The following OTOG variants were observed in gnomAD, a reference collection of about 807,000 sequenced individuals.
The protein encoded by OTOG is otogelin.
Under a neutral mutation model 313.8 loss-of-function variants are expected in OTOG, and 296 were observed. The observed-to-expected ratio is 0.94, with a 90% CI of 0.86 to 1.04. The LOEUF (loss-of-function observed/expected upper bound fraction) is 1.04. Among genes scored for constraint, OTOG ranks in the 50% least tolerant of loss-of-function variants. OTOG has a pLI of 0.00. For synonymous variants in OTOG, 1,533 were observed against 1,554.9 expected (o/e 0.99, Z 0.33); for missense variants, 3,948 against 3,840.1 (o/e 1.03, Z -0.74).
chr11:17,594,232 G>T (rs930446951), intron 28 of OTOG, 66 bp downstream of exon 28: 8 of 1,541,578 alleles, frequency 5.2e-6, no homozygotes, highest in Non-Finnish European at 7.0e-6. Flanking sequence ...CACTGAACCC[G>T]GCCCAAGGTC....
rs1032708611 is a variant in OTOG at position 17,593,156 on chromosome 11, T to A, written c.3007-37T>A. 12 of 1,533,136 alleles carry A rather than the reference T, an allele frequency of 7.8e-6. No homozygotes were observed. In the Middle Eastern group the frequency reaches 8.4e-4, roughly 108 times the overall value. The allele number at this position is 1,533,136 out of a possible 1,614,324, so 95.0% of individuals were successfully genotyped here. ...GTACCTCTTGGCAGGATCTCCTTTC[T>A]CCCTTGTTTTATTGGACTCACTTAT... On this transcript the variant is annotated intron_variant, in intron 25 of 55. Coordinates refer to ENST00000399397, the MANE Select transcript of OTOG (RefSeq NM_001292063.2).
chr11:17,609,286 A>C, intron 35 of OTOG, 77 bp downstream of exon 35: 1 of 1,333,762 alleles, frequency 7.5e-7, no homozygotes, highest in Non-Finnish European at 1.0e-6. Flanking sequence ...GTCATGCCTC[A>C]AAGCTCCCAG....
rs1282843308 is a variant in OTOG, at chr11:17,557,133, T to A, written c.675T>A (p.His225Gln). 1.3e-6 allele frequency: 2 copies of A among 1,550,080 alleles called. No homozygotes were observed. The highest frequency in any genetic ancestry group is 2.7e-5 in the African/African-American group (2 of 72,980). Residue 225 changes from histidine (H) to glutamine (Q), a missense_variant, in exon 8 of 56, where the codon CAT becomes CAA. By Grantham distance (24) the His-to-Gln change is conservative. Transcript: ENST00000399397. ...TGCCCTGCAGGGTCCAACTGCCACA[T>A]GTCATGGGGAGCGCGCGTCTGCAGC... ...THGGMRVQLP[H>Q]VMGSARLQQL...
At chr11:17,557,971 C>A (rs1359004769) in intron 8 of OTOG, among the ~76,000 whole-genome samples, 1 of 152,166 alleles carries the variant, frequency 6.6e-6, no homozygotes, top group Non-Finnish European at 1.5e-5. Context: ...GGAGCTACTA[C>A]AGGTTCCTGA....
rs185983545 is a variant in OTOG at position 17,591,779 on chromosome 11, C to T, written c.3006+191C>T. Among the ~76,000 whole-genome samples, 115 of 152,300 alleles carry T rather than the reference C, an allele frequency of 7.6e-4. 2 individuals are homozygous for T. The highest frequency in any genetic ancestry group is 6.8e-4 in the Non-Finnish European group (46 of 68,020). On this transcript the variant is annotated intron_variant, in intron 25 of 55. Coordinates refer to ENST00000399397, the MANE Select transcript of OTOG (RefSeq NM_001292063.2). ...GATGGAGCTCACCAGTCCTGAGATA[C>T]CACACTGCCTGTCTGCTCACCATTA...
chr11:17,571,057 G>A (rs1852393321), intron 17 of OTOG, among the ~76,000 whole-genome samples: 2 of 152,186 alleles, frequency 1.3e-5, no homozygotes, highest in African/African-American at 4.8e-5. Context: ...GCCAGTCCTT[G>A]GAGTTCCACA....
chr11:17,555,933 C>T (rs1852049920), intron 7 of OTOG, 36 bp downstream of exon 7: 1 of 1,465,772 alleles, frequency 6.8e-7, no homozygotes, highest in Middle Eastern at 1.7e-4. Context: ...GCTGTCCTAT[C>T]CCTGACACTG....
rs4757556 is a variant in OTOG, at chr11:17,638,164, C to T, written c.7796-287C>T. ...ACCTTACCCTAATGGCTGGCTCTCCCTGGACCACCTCTTGCAGGGTGACTG... is the reference window on the plus strand; with the variant it reads ...ACCTTACCCTAATGGCTGGCTCTCCTTGGACCACCTCTTGCAGGGTGACTG... On this transcript the variant is annotated intron_variant, in intron 47 of 55. Coordinates refer to ENST00000399397, the MANE Select transcript of OTOG (RefSeq NM_001292063.2). Among the ~76,000 whole-genome samples the T allele has an allele frequency of 0.3, 45,034 of 152,162 alleles. 8,699 individuals carry two copies. Among genetic ancestry groups the T allele is most frequent in the African/African-American group, 0.56 (23,026 of 41,480 alleles).
chr11:17,613,190 CTTTCTTTTCTTTCT>C (rs1853613251), intron 38 of OTOG, among the ~76,000 whole-genome samples: 1 of 98,166 alleles, frequency 1.0e-5, no homozygotes, highest in South Asian at 3.4e-4. Context: ...TTCTTTCTTT[CTTTCTTTTCTTTCT>C]TTCTTTCTTT....
At chr11:17,617,446 T>C (rs1168576448) in intron 39 of OTOG, among the ~76,000 whole-genome samples, 1 of 152,236 alleles carries the variant, frequency 6.6e-6, no homozygotes, top group Non-Finnish European at 1.5e-5. Flanking sequence ...TGGATTTTTC[T>C]CTGGGGAGAT....
chr11:17,562,990 A>C (rs1852221288), intron 15 of OTOG, among the ~76,000 whole-genome samples: 1 of 152,210 alleles, frequency 6.6e-6, no homozygotes, highest in Non-Finnish European at 1.5e-5. Flanking sequence ...CATGGAGGGC[A>C]CAGGGTGGAT....
intron 47 of OTOG, among the ~76,000 whole-genome samples, chr11:17,636,457 T>G (rs1454285965): frequency 6.6e-6 from 1 of 152,188 alleles, no homozygotes; most frequent in Non-Finnish European, 1.5e-5. Context: ...GGTTTTTTCT[T>G]ACACAGAACA....
At position 17,588,566 on chromosome 11, in the gene OTOG, A is replaced by G. The variant is rs540197412; in HGVS notation, c.2867+1985A>G. ...TTAGGAAGCCACGTGGAGTCAGTGCATGACTGAGCCTGTCCCTCATTGTTG... is the reference window on the plus strand; with the variant it reads ...TTAGGAAGCCACGTGGAGTCAGTGCGTGACTGAGCCTGTCCCTCATTGTTG... On this transcript the variant is annotated intron_variant, in intron 24 of 55. Transcript: ENST00000399397. 4.6e-5 allele frequency among the ~76,000 whole-genome samples: 7 copies of G among 152,248 alleles called. No homozygotes were observed. The East Asian group carries it at 1.3e-3, about 29-fold the overall frequency.
At chr11:17,627,283 G>T (rs991435949) in intron 39 of OTOG, among the ~76,000 whole-genome samples, 6 of 150,494 alleles carry the variant, frequency 4.0e-5, no homozygotes, top group Non-Finnish European at 8.9e-5. Flanking sequence ...TTACTTTGAG[G>T]TATGTTCCTT....
Position 17,594,284 on chromosome 11 carries a change from C to T in OTOG, c.3408+118C>T. ...GGTGTGAGGTTTCTCCTGCAATGTTCTCTCAGCCTCTGACTGCATCCCTAG... is the reference window on the plus strand; with the variant it reads ...GGTGTGAGGTTTCTCCTGCAATGTTTTCTCAGCCTCTGACTGCATCCCTAG... On this transcript the variant is annotated intron_variant, in intron 28 of 55. Coordinates refer to ENST00000399397, the MANE Select transcript of OTOG (RefSeq NM_001292063.2). 2.1e-5 allele frequency: 27 copies of T among 1,288,254 alleles called. No individual in the cohort carries two copies. In the South Asian group the frequency reaches 3.8e-4, roughly 18 times the overall value. 79.8% of individuals were successfully genotyped at this position (1,288,254 alleles called of 1,614,324 possible).
At chr11:17,613,263 C>A (rs1853633730) in intron 38 of OTOG, among the ~76,000 whole-genome samples, 1 of 139,046 alleles carries the variant, frequency 7.2e-6, no homozygotes, top group Non-Finnish European at 1.5e-5. Flanking sequence ...TTCTTTCTTT[C>A]TTTCTCTCTC....
At chr11:17,608,222 G>A in intron 33 of OTOG, 74 bp from the exon 34 acceptor site, 1 of 1,010,918 alleles carries the variant, frequency 9.9e-7, no homozygotes, top group Non-Finnish European at 1.4e-6. Context: ...ACAGGATGGG[G>A]GGCAGGGCTG....
intron 54 of OTOG, among the ~76,000 whole-genome samples, chr11:17,644,291 T>G (rs1248053833): frequency 6.6e-6 from 1 of 152,264 alleles, no homozygotes; most frequent in African/African-American, 2.4e-5. Flanking sequence ...AGGACAGCCC[T>G]TAGTTCTCCT....
rs542660433 is a variant in OTOG at position 17,547,360 on chromosome 11, C to A, written c.-13C>A. 58 of 1,339,934 alleles carry A rather than the reference C, an allele frequency of 4.3e-5. No homozygotes were observed. Among genetic ancestry groups the A allele is most frequent in the Non-Finnish European group, 5.0e-5 (53 of 1,049,856 alleles). 83.0% of individuals were successfully genotyped at this position (1,339,934 alleles called of 1,614,324 possible). The stretch of plus-strand genomic sequence containing the variant: ...GGCCCTGCGCTCAAGTCCTCCGGTC[C>A]CCTCGTGTCCCTATGGGAGTCCTGG... On this transcript the variant is annotated 5_prime_UTR_variant, in exon 1 of 56. Coordinates refer to ENST00000399397, the MANE Select transcript of OTOG (RefSeq NM_001292063.2).
Sources: gnomAD v4.1 joint callset for allele counts (sites outside exome capture counted in the v4.1 genomes callset) on GRCh38, gnomAD v4.1.1 for gene constraint, MANE v1.5 for transcripts, NCBI Gene and HGNC (gene_info 2026-07-23, HGNC 2026-07-21) for gene names.